Variants in RFX3 observed in about 807,000 individuals in gnomAD.
The protein encoded by RFX3 is regulatory factor X3.
A neutral mutation model predicts 98.6 loss-of-function variants in RFX3; 14 were observed. The ratio of observed to expected loss-of-function variants is 0.14; its 90% confidence interval spans 0.09 to 0.22. The LOEUF (loss-of-function observed/expected upper bound fraction) is 0.22, where lower values mean the gene tolerates loss of function less well. Among genes scored for constraint, RFX3 ranks in the 10% least tolerant of loss-of-function variants. The pLI is 1.00. For synonymous variants in RFX3, 383 were observed against 328.4 expected, an observed-to-expected ratio of 1.17 and a Z score of -1.80; for missense variants, 639 against 926.9, an observed-to-expected ratio of 0.69 and a Z score of 4.03.
chr9:3,312,573 TAAA>T (rs544770386), intron 4 of RFX3, among the ~76,000 whole-genome samples: 2 of 134,384 alleles, frequency 1.5e-5, no homozygotes, highest in African/African-American at 2.7e-5. Flanking sequence ...AATCCTCAAT[TAAA>T]AAAAAAAAAA....
intron 4 of RFX3, among the ~76,000 whole-genome samples, chr9:3,315,291 T>C (rs1830456339): frequency 6.7e-6 from 1 of 149,798 alleles, no homozygotes; most frequent in East Asian, 2.0e-4. Context: ...ACATACGAAA[T>C]GAAGGCAGAA....
chr9:3,418,916 A>G (rs1390044949), intron 1 of RFX3, among the ~76,000 whole-genome samples: 2 of 152,222 alleles, frequency 1.3e-5, no homozygotes, highest in Non-Finnish European at 2.9e-5. Flanking sequence ...TTTTTGGATT[A>G]ACCAATACAT....
At chr9:3,317,603 T>G (rs912493025) in intron 4 of RFX3, among the ~76,000 whole-genome samples, 1 of 151,796 alleles carries the variant, frequency 6.6e-6, no homozygotes, top group African/African-American at 2.4e-5. Flanking sequence ...TGGGAGAAAA[T>G]TTTTACAATC....
intron 11 of RFX3, among the ~76,000 whole-genome samples, chr9:3,269,401 A>C (rs2131315778): frequency 6.6e-6 from 1 of 152,224 alleles, no homozygotes; most frequent in Admixed American, 6.6e-5. Context: ...ATTTAACACA[A>C]ATCATCTGTG....
At chr9:3,360,827 C>A (rs1366839699) in intron 2 of RFX3, among the ~76,000 whole-genome samples, 1 of 152,094 alleles carries the variant, frequency 6.6e-6, no homozygotes, top group Non-Finnish European at 1.5e-5. Flanking sequence ...TTCGGATGTG[C>A]TTCAAGAAAA....
At chr9:3,415,102 ATAAG>A in intron 1 of RFX3, among the ~76,000 whole-genome samples, 1 of 87,030 alleles carries the variant, frequency 1.1e-5, no homozygotes, top group South Asian at 2.8e-4. Flanking sequence ...ATACTCATAT[ATAAG>A]TATATATATA....
At chr9:3,485,488 G>A (rs1337545528) in intron 1 of RFX3, among the ~76,000 whole-genome samples, 1 of 152,148 alleles carries the variant, frequency 6.6e-6, no homozygotes, top group Non-Finnish European at 1.5e-5. Flanking sequence ...AGCTGCTTAC[G>A]CTAGACCACT....
intron 6 of RFX3, among the ~76,000 whole-genome samples, chr9:3,291,714 C>A (rs747527307): frequency 6.6e-6 from 1 of 152,116 alleles, no homozygotes; most frequent in Non-Finnish European, 1.5e-5. Flanking sequence ...AAAGATCAAT[C>A]TTTTCTTCCT....
intron 2 of RFX3, among the ~76,000 whole-genome samples, chr9:3,361,108 A>G (rs1836375788): frequency 6.6e-6 from 1 of 152,230 alleles, no homozygotes; most frequent in South Asian, 2.1e-4. Flanking sequence ...AGCTCTTAGC[A>G]GATTAAAAAC....
At chr9:3,301,940 A>T (rs942908383) in intron 4 of RFX3, among the ~76,000 whole-genome samples, 4 of 151,922 alleles carry the variant, frequency 2.6e-5, no homozygotes, top group African/African-American at 7.2e-5. Context: ...TTCATAGTTC[A>T]GGATATGGGA....
intron 1 of RFX3, among the ~76,000 whole-genome samples, chr9:3,523,573 TCA>T (rs955404249): frequency 2.1e-4 from 32 of 152,328 alleles, no homozygotes; most frequent in African/African-American, 6.0e-4. Context: ...AAAAAAGTTC[TCA>T]GACACTGTAA....
At chr9:3,464,641 G>A (rs747458746) in intron 1 of RFX3, among the ~76,000 whole-genome samples, 31 of 152,150 alleles carry the variant, frequency 2.0e-4, no homozygotes, top group Non-Finnish European at 4.1e-4. Context: ...AAAAGGGCAG[G>A]AACAAACTTG....
At chr9:3,390,231 G>A (rs938656413) in intron 2 of RFX3, among the ~76,000 whole-genome samples, 1 of 152,074 alleles carries the variant, frequency 6.6e-6, no homozygotes, top group African/African-American at 2.4e-5. Flanking sequence ...TCATGTTGGG[G>A]TGGTACAGTA....
At chr9:3,271,913 A>C (rs1824536540) in intron 9 of RFX3, among the ~76,000 whole-genome samples, 1 of 151,712 alleles carries the variant, frequency 6.6e-6, no homozygotes, top group African/African-American at 2.4e-5. Context: ...ATCCAATCCT[A>C]CCTCTGCATA....
At chr9:3,278,525 A>C (rs1825524884) in intron 7 of RFX3, among the ~76,000 whole-genome samples, 1 of 151,804 alleles carries the variant, frequency 6.6e-6, no homozygotes, top group East Asian at 1.9e-4. Flanking sequence ...TTGATACTAA[A>C]ATTCAACTGC....
chr9:3,525,819 A>G lies in RFX3; in HGVS notation c.-81T>C. On this transcript the variant is annotated 5_prime_UTR_variant, in exon 1 of 17. Transcript: ENST00000617270. ...GGTGGTGGGGAGGAGGAGGAGGAAG[A>G]GGAGGAGGAGGAGGAGAGGAGTAGT... 1 of 706,114 alleles carries G rather than the reference A, an allele frequency of 1.4e-6. No homozygotes were observed. Among genetic ancestry groups the G allele is most frequent in the Non-Finnish European group, 1.7e-6 (1 of 574,808 alleles). The allele number at this position is 706,114 out of a possible 1,614,324, so 43.7% of individuals were successfully genotyped here.
intron 15 of RFX3, among the ~76,000 whole-genome samples, chr9:3,237,172 G>A (rs976670133): frequency 3.9e-5 from 6 of 152,080 alleles, no homozygotes; most frequent in African/African-American, 1.4e-4. Context: ...TTATGTTTAT[G>A]CTTCTTCTCT....
chr9:3,282,770 C>T (rs1209690543), intron 7 of RFX3, among the ~76,000 whole-genome samples: 1 of 151,724 alleles, frequency 6.6e-6, no homozygotes, highest in Non-Finnish European at 1.5e-5. Context: ...AATCTGGCTC[C>T]ATCTGATGCC....
chr9:3,381,077 A>G (rs1431306532), intron 2 of RFX3, among the ~76,000 whole-genome samples: 2 of 152,082 alleles, frequency 1.3e-5, no homozygotes, highest in African/African-American at 4.8e-5. Context: ...TGTATTTCTA[A>G]AAGTGCTTGG....
Sources: gnomAD v4.1 joint callset for allele counts (sites outside exome capture counted in the v4.1 genomes callset) on GRCh38, gnomAD v4.1.1 for gene constraint, MANE v1.5 for transcripts, NCBI Gene and HGNC (gene_info 2026-07-23, HGNC 2026-07-21) for gene names.